Variants in CPEB3 observed in about 807,000 individuals in gnomAD.
CPEB3 encodes the protein cytoplasmic polyadenylation element binding protein 3.
In CPEB3, 20 loss-of-function variants were observed where a neutral mutation model predicts 67.2. The observed-to-expected ratio is 0.30, with a 90% CI of 0.21 to 0.43. The LOEUF is 0.43. Among genes scored for constraint, CPEB3 ranks in the 20% least tolerant of loss-of-function variants. The pLI is 1.00. For missense variants in CPEB3, 746 were observed against 968.6 expected (o/e 0.77, Z 3.05); for synonymous variants, 376 against 393.1 (o/e 0.96, Z 0.51).
At chr10:92,172,697 GA>G (rs1052095805) in intron 4 of CPEB3, among the ~76,000 whole-genome samples, 2 of 152,068 alleles carry the variant, frequency 1.3e-5, no homozygotes, top group East Asian at 1.9e-4. Flanking sequence ...TTGAAAGGGG[GA>G]AAAAAACTGC....
intron 1 of CPEB3, among the ~76,000 whole-genome samples, chr10:92,266,680 TA>T (rs1361505614): frequency 6.6e-6 from 1 of 151,798 alleles, no homozygotes; most frequent in African/African-American, 2.4e-5. Context: ...CAGATGGGTA[TA>T]AAAGCGCTAG....
chr10:92,193,114 A>T (rs537730789), intron 2 of CPEB3, among the ~76,000 whole-genome samples: 1 of 152,210 alleles, frequency 6.6e-6, no homozygotes, highest in African/African-American at 2.4e-5. Flanking sequence ...TGGGAGGCTG[A>T]GGCAGGAGAA....
chr10:92,131,035 T>C (rs895183871), intron 6 of CPEB3, among the ~76,000 whole-genome samples: 7 of 152,208 alleles, frequency 4.6e-5, no homozygotes, highest in African/African-American at 1.7e-4. Context: ...TCAAATATCT[T>C]TAGGCTCTGC....
At chr10:92,264,385 A>G (rs1214203072) in intron 1 of CPEB3, among the ~76,000 whole-genome samples, 1 of 151,832 alleles carries the variant, frequency 6.6e-6, no homozygotes, top group Non-Finnish European at 1.5e-5. Context: ...CATAACTAGT[A>G]GGTGAATAAG....
At chr10:92,182,264 C>T (rs564131763) in intron 3 of CPEB3, among the ~76,000 whole-genome samples, 32 of 152,156 alleles carry the variant, frequency 2.1e-4, no homozygotes, top group Admixed American at 3.3e-4. Flanking sequence ...ATTTTTACAA[C>T]ATACACAGTT....
At chr10:92,076,841 AAG>A (rs201295510) in intron 9 of CPEB3, among the ~76,000 whole-genome samples, 28 of 140,068 alleles carry the variant, frequency 2.0e-4, no homozygotes, top group South Asian at 1.0e-3. Flanking sequence ...GGAGGAAAGA[AAG>A]AGAGAGAAGA....
intron 1 of CPEB3, among the ~76,000 whole-genome samples, chr10:92,259,724 C>T (rs1384021689): frequency 6.6e-6 from 1 of 152,132 alleles, no homozygotes; most frequent in Admixed American, 6.6e-5. Flanking sequence ...CTTCTTGAGG[C>T]CAGGCACTGC....
chr10:92,288,704 C>T (rs1473373277), intron 1 of CPEB3, among the ~76,000 whole-genome samples: 2 of 152,178 alleles, frequency 1.3e-5, no homozygotes, highest in African/African-American at 4.8e-5. Context: ...TCAAGGTGCA[C>T]AAGTCTTTGC....
rs930826862 is a variant in CPEB3, at chr10:92,101,147, G to C, written c.1573-9203C>G. Among the ~76,000 whole-genome samples the C allele has an allele frequency of 3.3e-5, 5 of 152,132 alleles. No homozygotes were observed. The South Asian group carries it at 6.2e-4, about 19-fold the overall frequency. ...GGCAGTTCCAAATGGCAAACCATTC[G>C]GTGTCAACAGTGCAATCAGGTGGCC... On this transcript the variant is annotated intron_variant, in intron 7 of 9. Transcript: ENST00000265997.
chr10:92,073,414 G>A (rs11818673), intron 9 of CPEB3, among the ~76,000 whole-genome samples: 1 of 151,990 alleles, frequency 6.6e-6, no homozygotes, highest in Non-Finnish European at 1.5e-5. Context: ...AGCACTTTGG[G>A]AGGCCAAGGT....
intron 4 of CPEB3, among the ~76,000 whole-genome samples, chr10:92,175,418 G>A (rs948178716): frequency 6.6e-6 from 1 of 151,846 alleles, no homozygotes; most frequent in Non-Finnish European, 1.5e-5. Flanking sequence ...ATGTCTTTGT[G>A]TGGACATACG....
intron 9 of CPEB3, among the ~76,000 whole-genome samples, chr10:92,061,197 T>G (rs2073776428): frequency 6.6e-6 from 1 of 152,090 alleles, no homozygotes; most frequent in Admixed American, 6.6e-5. Flanking sequence ...GGCAAGTGGA[T>G]CACCTGAGGT....
chr10:92,178,854 A>C (rs1467363240), intron 4 of CPEB3, among the ~76,000 whole-genome samples: 1 of 152,192 alleles, frequency 6.6e-6, no homozygotes, highest in Non-Finnish European at 1.5e-5. Flanking sequence ...ACAAGTACCT[A>C]CTATGGAGGA....
chr10:92,089,448 A>G (rs1843520702), intron 8 of CPEB3, among the ~76,000 whole-genome samples: 1 of 152,196 alleles, frequency 6.6e-6, no homozygotes, highest in South Asian at 2.1e-4. Flanking sequence ...CATAACTATA[A>G]AAACAAAACA....
intron 2 of CPEB3, among the ~76,000 whole-genome samples, chr10:92,208,270 T>C (rs1430027779): frequency 6.6e-6 from 1 of 152,186 alleles, no homozygotes; most frequent in Non-Finnish European, 1.5e-5. Flanking sequence ...AGGGTAAAGA[T>C]TCAAGGCTAC....
At chr10:92,232,008 C>A (rs1002256521) in intron 2 of CPEB3, among the ~76,000 whole-genome samples, 20 of 151,566 alleles carry the variant, frequency 1.3e-4, no homozygotes, top group South Asian at 2.1e-4. Flanking sequence ...GTGTGAGCCA[C>A]CACTCCCAGC....
chr10:92,270,487 G>A (rs749623486), intron 1 of CPEB3, among the ~76,000 whole-genome samples: 1 of 151,862 alleles, frequency 6.6e-6, no homozygotes, highest in Non-Finnish European at 1.5e-5. Context: ...AACAGGAGTG[G>A]GTAGAAGAGA....
chr10:92,157,356 C>T (rs1431317957), intron 4 of CPEB3, among the ~76,000 whole-genome samples: 5 of 152,264 alleles, frequency 3.3e-5, no homozygotes, highest in South Asian at 2.1e-4. Context: ...CTACGACATC[C>T]GGCTTCTCCT....
chr10:92,169,454 T>C (rs1193065371), intron 4 of CPEB3, among the ~76,000 whole-genome samples: 2 of 152,208 alleles, frequency 1.3e-5, no homozygotes, highest in South Asian at 2.1e-4. Context: ...CAGTTCTTTA[T>C]AGCAGTGTGA....
Sources: gnomAD v4.1 joint callset for allele counts (sites outside exome capture counted in the v4.1 genomes callset) on GRCh38, gnomAD v4.1.1 for gene constraint, MANE v1.5 for transcripts, NCBI Gene and HGNC (gene_info 2026-07-23, HGNC 2026-07-21) for gene names.